GTF2E2: variants seen among roughly 807,000 people sequenced by gnomAD.
GTF2E2 encodes the protein transcription initiation factor IIE subunit beta.
Under a neutral mutation model 40.5 loss-of-function variants are expected in GTF2E2, and 21 were observed. The observed-to-expected ratio is 0.52, with a 90% CI of 0.37 to 0.75. GTF2E2 has a LOEUF of 0.75. Ranked by LOEUF, GTF2E2 falls within the 30% of genes least tolerant of loss-of-function variation. GTF2E2 has a pLI of 0.00. For synonymous variants in GTF2E2, 117 were observed against 121.6 expected (o/e 0.96, Z 0.25); for missense variants, 298 against 338.4 (o/e 0.88, Z 0.94).
intron 3 of GTF2E2, among the ~76,000 whole-genome samples, chr8:30,619,580 G>A (rs2151134168): frequency 6.6e-6 from 1 of 151,628 alleles, no homozygotes; most frequent in Non-Finnish European, 1.5e-5. Flanking sequence ...GTAGAGACGG[G>A]GTTTCACCAT....
In GTF2E2 at chr8:30,580,319, C is replaced by G. The variant is rs1828480260; in HGVS notation, c.721G>C (p.Gly241Arg). Reference protein sequence around the residue: ...EKIEEYLKRQGISSMQESGPK... With the variant: ...EKIEEYLKRQRISSMQESGPK... ...CCAGATTCCTGCATGGAAGAAATACCCTGTCGCTTCAGATATTCTTCAATT... is the reference window on the plus strand; with the variant it reads ...CCAGATTCCTGCATGGAAGAAATACGCTGTCGCTTCAGATATTCTTCAATT... The change falls in exon 7 of 8, where the codon GGT (glycine) becomes CGT (arginine). Residue 241 changes from glycine (G) to arginine (R), a missense_variant. Gly to Arg is a moderately radical substitution (Grantham distance 125). Coordinates refer to ENST00000355904, the MANE Select transcript of GTF2E2 (RefSeq NM_002095.6). 6.2e-7 allele frequency: 1 copy of G among 1,609,632 alleles called. No individual in the cohort carries two copies. Among genetic ancestry groups the G allele is most frequent in the Non-Finnish European group, 8.5e-7 (1 of 1,175,880 alleles).
chr8:30,653,045 G>A (rs1336155723), intron 2 of GTF2E2, among the ~76,000 whole-genome samples: 4 of 152,084 alleles, frequency 2.6e-5, no homozygotes, highest in Non-Finnish European at 5.9e-5. Flanking sequence ...TTGGTTTTCC[G>A]GGGCAGGGAT....
intron 6 of GTF2E2, among the ~76,000 whole-genome samples, chr8:30,599,864 T>C (rs1465494848): frequency 3.3e-5 from 5 of 151,976 alleles, no homozygotes; most frequent in African/African-American, 1.2e-4. Flanking sequence ...CCACCTGCAG[T>C]CCCAGCTACT....
intron 3 of GTF2E2, among the ~76,000 whole-genome samples, chr8:30,634,390 G>A (rs1801521933): frequency 6.6e-6 from 1 of 152,032 alleles, no homozygotes; most frequent in African/African-American, 2.4e-5. Flanking sequence ...CAAGGCTGCA[G>A]TGAGCTACGA....
intron 5 of GTF2E2, among the ~76,000 whole-genome samples, chr8:30,608,117 C>T (rs1397683834): frequency 1.3e-5 from 2 of 152,126 alleles, no homozygotes; most frequent in Non-Finnish European, 1.5e-5. Context: ...AGACATTTCA[C>T]AATTATTAGA....
chr8:30,609,456 T>A (rs905366618), intron 5 of GTF2E2, among the ~76,000 whole-genome samples: 10 of 151,812 alleles, frequency 6.6e-5, no homozygotes, highest in Non-Finnish European at 8.8e-5. Context: ...TGTACATACA[T>A]AAAATAAATG....
intron 2 of GTF2E2, among the ~76,000 whole-genome samples, chr8:30,639,197 A>T (rs1002571099): frequency 6.6e-6 from 1 of 152,194 alleles, no homozygotes; most frequent in African/African-American, 2.4e-5. Flanking sequence ...AATTATCACA[A>T]TTTTAATTTT....
chr8:30,579,948 T>C (rs180864827), intron 7 of GTF2E2, among the ~76,000 whole-genome samples: 2 of 152,106 alleles, frequency 1.3e-5, no homozygotes, highest in African/African-American at 4.8e-5. Flanking sequence ...GTTGTGCAGA[T>C]CAAGGCACAG....
At chr8:30,623,422 C>T (rs1003962873) in intron 3 of GTF2E2, among the ~76,000 whole-genome samples, 1 of 152,096 alleles carries the variant, frequency 6.6e-6, no homozygotes, top group African/African-American at 2.4e-5. Context: ...ATATGTGCCA[C>T]ATTTTCTTAA....
At chr8:30,606,202 T>C (rs1192156098) in intron 6 of GTF2E2, among the ~76,000 whole-genome samples, 1 of 152,228 alleles carries the variant, frequency 6.6e-6, no homozygotes, top group African/African-American at 2.4e-5. Flanking sequence ...TTAACATTTA[T>C]TGTGAACCAA....
In GTF2E2 at chr8:30,601,639, G is replaced by A. The variant is rs564080160; in HGVS notation, c.643+5418C>T. Among the ~76,000 whole-genome samples, 3 of 152,276 alleles carry A rather than the reference G, an allele frequency of 2.0e-5. No homozygotes were observed. In the East Asian group the frequency reaches 5.8e-4, roughly 29 times the overall value. On this transcript the variant is annotated intron_variant, in intron 6 of 7. Coordinates refer to ENST00000355904, the MANE Select transcript of GTF2E2 (RefSeq NM_002095.6). Reference sequence around the variant, plus strand: ...TCCTTCTTAAGAGGGACACAGATCAGTGAAAAATACCAGTTTATAACAATA... The same window carrying A: ...TCCTTCTTAAGAGGGACACAGATCAATGAAAAATACCAGTTTATAACAATA...
chr8:30,599,752 A>G (rs1038590846), intron 6 of GTF2E2, among the ~76,000 whole-genome samples: 8 of 152,208 alleles, frequency 5.3e-5, no homozygotes, highest in African/African-American at 1.9e-4. Flanking sequence ...TGGGAGGCCA[A>G]GGTGGGCAGA....
chr8:30,583,219 A>G (rs1224449336), intron 6 of GTF2E2, among the ~76,000 whole-genome samples: 1 of 152,198 alleles, frequency 6.6e-6, no homozygotes, highest in Non-Finnish European at 1.5e-5. Flanking sequence ...CTGTAATCCC[A>G]GCTACTCAGA....
intron 6 of GTF2E2, among the ~76,000 whole-genome samples, chr8:30,584,202 T>C (rs1320031516): frequency 6.6e-6 from 1 of 152,072 alleles, no homozygotes. Context: ...CTTCCCTTTT[T>C]TTTTTTTTCC....
intron 6 of GTF2E2, among the ~76,000 whole-genome samples, chr8:30,592,287 G>A (rs552377131): frequency 1.3e-5 from 2 of 152,302 alleles, no homozygotes; most frequent in South Asian, 4.1e-4. Context: ...GCTGAGATAG[G>A]AGGATCGCCT....
At chr8:30,625,797 C>T (rs375324439) in intron 3 of GTF2E2, among the ~76,000 whole-genome samples, 3 of 152,206 alleles carry the variant, frequency 2.0e-5, no homozygotes, top group African/African-American at 7.2e-5. Flanking sequence ...CGGGGTTTTG[C>T]CATGTTGGCC....
In GTF2E2 at chr8:30,645,560, T is replaced by C. The variant is rs1288837326; in HGVS notation, c.166+7873A>G. 7 of 1,535,518 alleles carry C rather than the reference T, an allele frequency of 4.6e-6. No homozygotes were observed. The East Asian group carries it at 7.3e-5, about 16-fold the overall frequency. On this transcript the variant is annotated intron_variant, in intron 2 of 7. Transcript: ENST00000355904. ...GAACCCAACCCTCTTAGAAGTATGA[T>C]GGACAACATCAGAAAACGTGAAACT...
chr8:30,579,803 C>G (rs552255468), intron 7 of GTF2E2, among the ~76,000 whole-genome samples: 1 of 152,308 alleles, frequency 6.6e-6, no homozygotes, highest in East Asian at 1.9e-4. Context: ...ACTAACATCC[C>G]CTGTGAGCAG....
chr8:30,624,899 A>T (rs1184312918), intron 3 of GTF2E2, among the ~76,000 whole-genome samples: 1 of 151,870 alleles, frequency 6.6e-6, no homozygotes, highest in African/African-American at 2.4e-5. Context: ...CAGCTTAAGG[A>T]GATTTTGGGC....
Sources: gnomAD v4.1 joint callset for allele counts (sites outside exome capture counted in the v4.1 genomes callset) on GRCh38, gnomAD v4.1.1 for gene constraint, MANE v1.5 for transcripts, NCBI Gene and HGNC (gene_info 2026-07-23, HGNC 2026-07-21) for gene names.